The following CYB5R3 variants were observed in gnomAD, a reference collection of about 807,000 sequenced individuals.
The protein encoded by CYB5R3 is cytochrome b5 reductase 3, also known as NADH-cytochrome b5 reductase 3.
A neutral mutation model predicts 36.5 loss-of-function variants in CYB5R3; 28 were observed. The ratio of observed to expected loss-of-function variants is 0.77; its 90% confidence interval spans 0.57 to 1.05. The LOEUF is 1.05. Among genes scored for constraint, CYB5R3 ranks in the 50% least tolerant of loss-of-function variants. The pLI, the probability that CYB5R3 is intolerant of heterozygous loss-of-function variation, is 0.00. For synonymous variants in CYB5R3, 181 were observed against 159.8 expected (o/e 1.13, Z -1.00); for missense variants, 474 against 408.9 (o/e 1.16, Z -1.37).
chr22:42,646,135 C>G (rs552815138), intron 1 of CYB5R3, among the ~76,000 whole-genome samples: 1 of 152,334 alleles, frequency 6.6e-6, no homozygotes, highest in South Asian at 2.1e-4. Flanking sequence ...CAGCAGTGGG[C>G]CAAGTAAACA....
chr22:42,631,133 G>GAGGCA, intron 3 of CYB5R3, 145 bp from the exon 4 acceptor site: 1 of 838,126 alleles, frequency 1.2e-6, no homozygotes, highest in South Asian at 1.5e-5. Flanking sequence ...ACCCCTCCCG[G>GAGGCA]GGATTCCCCT....
chr22:42,641,913 T>G (rs1409958418), intron 1 of CYB5R3, among the ~76,000 whole-genome samples: 2 of 152,062 alleles, frequency 1.3e-5, no homozygotes. Flanking sequence ...CATGAGCCAC[T>G]GCACCCAGCC....
chr22:42,624,183 A>T (rs1928141342), intron 7 of CYB5R3, among the ~76,000 whole-genome samples: 1 of 152,214 alleles, frequency 6.6e-6, no homozygotes, highest in Admixed American at 6.5e-5. Context: ...AAAAATGGAA[A>T]AAACTAAAGG....
intron 3 of CYB5R3, 114 bp from the exon 4 acceptor site, chr22:42,631,102 C>A: frequency 2.0e-6 from 2 of 1,015,532 alleles, no homozygotes; most frequent in Non-Finnish European, 3.0e-6. Context: ...GGCCTGGCGT[C>A]AGCTCCCACG....
intron 2 of CYB5R3, among the ~76,000 whole-genome samples, chr22:42,635,071 G>C (rs1164757907): frequency 1.3e-5 from 2 of 151,562 alleles, no homozygotes; most frequent in Non-Finnish European, 2.9e-5. Context: ...CCAGGTTCAC[G>C]TCATTCTCCT....
chr22:42,628,385 C>T (rs966205143), intron 4 of CYB5R3, 104 bp from the exon 5 acceptor site: 21 of 1,446,080 alleles, frequency 1.5e-5, no homozygotes, highest in South Asian at 5.7e-5. Flanking sequence ...TCTTCTGAGG[C>T]CCACACATGG....
intron 3 of CYB5R3, 110 bp from the exon 4 acceptor site, chr22:42,631,098 G>T: frequency 9.5e-7 from 1 of 1,054,728 alleles, no homozygotes. Context: ...GCCTGGCCTG[G>T]CGTCAGCTCC....
Position 42,636,793 on chromosome 22 carries a change from C to A in CYB5R3, c.75G>T (p.Lys25Asn), listed in dbSNP as rs368075367. 3 of 1,613,874 alleles carry A rather than the reference C, an allele frequency of 1.9e-6. No individual in the cohort carries two copies. The African/African-American group carries it at 4.0e-5, about 22-fold the overall frequency. The change falls in exon 2 of 9, where the codon AAG (lysine) becomes AAT (asparagine). Residue 25 changes from lysine to asparagine, a missense_variant. Lys to Asn is a moderately conservative substitution (Grantham distance 94). Transcript: ENST00000352397. ...TGGCTGGCGTGGAGCGCTGGAACAG[C>A]TTCATGAGCAGACTGTACAGGAACC... ...PVWFLYSLLM[K>N]LFQRSTPAIT...
At chr22:42,627,255 C>T in intron 7 of CYB5R3, 49 bp downstream of exon 7, 1 of 1,522,492 alleles carries the variant, frequency 6.6e-7, no homozygotes, top group South Asian at 1.1e-5. Context: ...GGCCCGAAGT[C>T]CCCTCTCAGG....
At chr22:42,647,169 G>C (rs2267458) in intron 1 of CYB5R3, 25,279 of 163,994 alleles carry the variant, frequency 0.15, 2,642 homozygotes, top group East Asian at 0.58. Context: ...AGACATTCTG[G>C]GCCAAGCGAG....
intron 1 of CYB5R3, chr22:42,646,626 G>A (rs534533550): frequency 9.7e-5 from 95 of 982,698 alleles, no homozygotes; most frequent in Middle Eastern, 1.0e-3. Context: ...CAAGCCAGTC[G>A]GGTGACTTGC....
In CYB5R3 at chr22:42,618,468, C is replaced by T. The variant is rs372052721; in HGVS notation, c.*1305G>A. ...AGGAGAATGGCGTGAACCCGGGAGG[C>T]GGAGCTTGCAGTGAGCCGAGATCCC... On this transcript the variant is annotated 3_prime_UTR_variant, in exon 9 of 9. Coordinates refer to ENST00000352397, the MANE Select transcript of CYB5R3 (RefSeq NM_000398.7). 1.7e-4 allele frequency: 24 copies of T among 138,934 alleles called. No individual in the cohort carries two copies. Among genetic ancestry groups the T allele is most frequent in the East Asian group, 1.5e-3 (7 of 4,622 alleles). The allele number at this position is 138,934 out of a possible 1,614,324, so 8.6% of individuals were successfully genotyped here.
rs749625957 is a variant in CYB5R3, at chr22:42,630,907, T to G, written c.308A>C (p.Lys103Thr). 6.2e-7 allele frequency: 1 copy of G among 1,613,808 alleles called. No homozygotes were observed. The highest frequency in any genetic ancestry group is 1.1e-5 in the South Asian group (1 of 90,952). Residue 103 changes from lysine (K) to threonine (T), a missense_variant, in exon 4 of 9, where the codon AAG becomes ACG. Physicochemically the swap from Lys to Thr is moderately conservative, Grantham distance 78. Coordinates refer to ENST00000352397, the MANE Select transcript of CYB5R3 (RefSeq NM_000398.7). ...PYTPISSDDD[K>T]GFVDLVIKVY... Reference sequence around the variant, plus strand: ...CTTGATGACCAGGTCCACGAAGCCCTTGTCATCATCGCTGGAGATGGGTGT... The same window carrying G: ...CTTGATGACCAGGTCCACGAAGCCCGTGTCATCATCGCTGGAGATGGGTGT...
chr22:42,636,692 C>T (rs777223789), intron 2 of CYB5R3, 23 bp downstream of exon 2: 2 of 1,607,638 alleles, frequency 1.2e-6, no homozygotes, highest in Admixed American at 1.7e-5. Flanking sequence ...GCTGACGAGG[C>T]AGCGGCGGCG....
chr22:42,629,002 C>T (rs932932731), intron 4 of CYB5R3, among the ~76,000 whole-genome samples: 1 of 152,058 alleles, frequency 6.6e-6, no homozygotes, highest in African/African-American at 2.4e-5. Flanking sequence ...CTGTCCTGGG[C>T]CCTGGGTGCC....
At chr22:42,638,134 G>A (rs1049406275) in intron 1 of CYB5R3, among the ~76,000 whole-genome samples, 3 of 151,864 alleles carry the variant, frequency 2.0e-5, no homozygotes, top group African/African-American at 4.8e-5. Flanking sequence ...AGTGGCTCAC[G>A]CCTATAATCC....
In CYB5R3 at chr22:42,619,472, TTA is replaced by T. The variant is rs78283959; in HGVS notation, c.*299_*300del. 4,678 of 458,666 alleles carry T rather than the reference TTA, an allele frequency of 0.01. 175 individuals carry two copies. The highest frequency in any genetic ancestry group is 0.085 in the African/African-American group (4,336 of 50,894). The allele number at this position is 458,666 out of a possible 1,614,324, so 28.4% of individuals were successfully genotyped here. On this transcript the variant is annotated 3_prime_UTR_variant, in exon 9 of 9. Coordinates refer to ENST00000352397, the MANE Select transcript of CYB5R3 (RefSeq NM_000398.7). ...ACGGGGCTGCTGGCAGCCCTCAGCC[TTA>T]TAGTGTGTGTGGGGGGTGGACGAGG...
chr22:42,639,705 G>A (rs150090807), intron 1 of CYB5R3: 3 of 421,276 alleles, frequency 7.1e-6, no homozygotes, highest in South Asian at 6.3e-5. Flanking sequence ...TAATTATTCT[G>A]TGGTTACGCA....
intron 2 of CYB5R3, among the ~76,000 whole-genome samples, chr22:42,635,170 C>T (rs963150091): frequency 2.0e-5 from 3 of 152,126 alleles, no homozygotes; most frequent in East Asian, 1.9e-4. Flanking sequence ...AGGGTTTCAC[C>T]GTGTTACCGG....
Sources: gnomAD v4.1 joint callset for allele counts (sites outside exome capture counted in the v4.1 genomes callset) on GRCh38, gnomAD v4.1.1 for gene constraint, MANE v1.5 for transcripts, NCBI Gene and HGNC (gene_info 2026-07-23, HGNC 2026-07-21) for gene names.